Variants in CCT2 observed in about 807,000 individuals in gnomAD.
CCT2 encodes the protein chaperonin containing TCP1 subunit 2.
Under a neutral mutation model 61.8 loss-of-function variants are expected in CCT2, and 18 were observed. That is an observed-to-expected ratio of 0.29 (90% CI 0.20 to 0.43). The LOEUF (loss-of-function observed/expected upper bound fraction) is 0.43. CCT2 is among the 20% of genes least tolerant of loss of function. The pLI is 1.00. For missense variants in CCT2, 556 were observed against 656.9 expected (o/e 0.85, Z 1.68); for synonymous variants, 248 against 215.9 (o/e 1.15, Z -1.30).
In CCT2 at chr12:69,598,042, A is replaced by G. The variant is rs199831151; in HGVS notation, c.1306A>G (p.Met436Val). 1.6e-5 allele frequency: 26 copies of G among 1,613,294 alleles called. No homozygotes were observed. The African/African-American group carries it at 2.9e-4, about 18-fold the overall frequency. ...NRTPGKEAVAMESYAKALRML... is the reference protein window; with the variant it reads ...NRTPGKEAVAVESYAKALRML... ...AACACCAGGCAAAGAAGCTGTTGCA[A>G]TGGAGTCTTATGCTAAAGCACTGAG... is the stretch of plus-strand genomic sequence containing the variant. Residue 436 changes from methionine to valine, a missense_variant, in exon 13 of 16, where the codon ATG (methionine) becomes GTG (valine). This residue lies in a region of CCT2 where 225 missense variants were observed against 249.8 expected (regional missense o/e 0.90). Coordinates refer to ENST00000299300, the MANE Select transcript of CCT2 (RefSeq NM_006431.3).
chr12:69,598,285 T>C (rs1421060110), intron 13 of CCT2, 37 bp from the exon 14 acceptor site: 2 of 1,392,746 alleles, frequency 1.4e-6, no homozygotes. Flanking sequence ...GTTCTTACAG[T>C]AGAGTGAGTA....
intron 8 of CCT2, 24 bp from the exon 9 acceptor site, chr12:69,592,952 C>G: frequency 1.2e-6 from 2 of 1,606,316 alleles, no homozygotes; most frequent in African/African-American, 1.3e-5. Flanking sequence ...AACTGATGCT[C>G]TCTTTATGCT....
intron 1 of CCT2, chr12:69,585,743 G>T: frequency 1.4e-6 from 2 of 1,449,192 alleles, no homozygotes; most frequent in East Asian, 2.5e-5. Context: ...GCGTCTCCTT[G>T]TGCCTAGGTC....
At chr12:69,585,776 G>C in intron 1 of CCT2, 1 of 1,396,490 alleles carries the variant, frequency 7.2e-7, no homozygotes, top group South Asian at 1.6e-5. Flanking sequence ...CGGCAGCCCA[G>C]GTCCGCGCCT....
At chr12:69,586,930 A>G (rs1321950762) in intron 3 of CCT2, 112 bp downstream of exon 3, 1 of 652,638 alleles carries the variant, frequency 1.5e-6, no homozygotes, top group Admixed American at 3.1e-5. Context: ...TTAATTATAA[A>G]AGACAAGTAT....
chr12:69,586,692 A>T, intron 2 of CCT2, 61 bp from the exon 3 acceptor site: 2 of 1,212,854 alleles, frequency 1.6e-6, no homozygotes, highest in Non-Finnish European at 2.4e-6. Context: ...GTAAATAAAG[A>T]TAAAACTGTA....
intron 7 of CCT2, chr12:69,589,892 GTTTAC>G: frequency 1.7e-6 from 1 of 576,544 alleles, no homozygotes; most frequent in Non-Finnish European, 3.1e-6. Flanking sequence ...GATCTCTAGA[GTTTAC>G]TTAACTACCA....
intron 10 of CCT2, among the ~76,000 whole-genome samples, chr12:69,594,187 C>G (rs1881920927): frequency 6.6e-6 from 1 of 151,672 alleles, no homozygotes; most frequent in Admixed American, 6.6e-5. Context: ...CCTGTAAGAC[C>G]GTTGTTAAAA....
Position 69,600,032 on chromosome 12 carries a change from T to C in CCT2, c.1577+28T>C, listed in dbSNP as rs1447644297. The C allele has an allele frequency of 1.9e-6, 3 of 1,578,074 alleles. No individual in the cohort carries two copies. The South Asian group carries it at 3.5e-5, about 19-fold the overall frequency. On this transcript the variant is annotated intron_variant, in intron 15 of 15. Coordinates refer to ENST00000299300, the MANE Select transcript of CCT2 (RefSeq NM_006431.3). Reference sequence around the variant, plus strand: ...ACCCTAACACTTTTCTCAGAAAAAATTACTAACAGCAAAACAAAATAGGGA... The same window carrying C: ...ACCCTAACACTTTTCTCAGAAAAAACTACTAACAGCAAAACAAAATAGGGA...
chr12:69,586,715 A>G, intron 2 of CCT2, 38 bp from the exon 3 acceptor site: 2 of 1,422,372 alleles, frequency 1.4e-6, no homozygotes, highest in Non-Finnish European at 1.9e-6. Flanking sequence ...TGAAGACTGT[A>G]AAGTTGATTC....
In CCT2 at chr12:69,587,983, G is replaced by T; in HGVS notation, c.310G>T (p.Val104Phe). The change falls in exon 5 of 16, where the codon GTT becomes TTT. Residue 104 changes from valine to phenylalanine, a missense_variant. Val to Phe is a conservative substitution (Grantham distance 50). Coordinates refer to ENST00000299300, the MANE Select transcript of CCT2 (RefSeq NM_006431.3). Reference protein sequence around the residue: ...EVGDGTTSVTVLAAELLREAE... With the variant: ...EVGDGTTSVTFLAAELLREAE... ...TGGTGATGGCACTACCTCTGTTACC[G>T]TTTTAGCAGCAGAATTATTAAGGGT... The T allele has an allele frequency of 6.2e-7, 1 of 1,613,492 alleles. No homozygotes were observed. Among genetic ancestry groups the T allele is most frequent in the Non-Finnish European group, 8.5e-7 (1 of 1,179,432 alleles).
At chr12:69,590,893 A>T (rs1031341075) in intron 7 of CCT2, among the ~76,000 whole-genome samples, 1 of 150,116 alleles carries the variant, frequency 6.7e-6, no homozygotes. Context: ...ACTTTTTTGT[A>T]TTTTTAGTAG....
intron 7 of CCT2, among the ~76,000 whole-genome samples, chr12:69,591,719 C>A (rs1881840155): frequency 6.6e-6 from 1 of 152,142 alleles, no homozygotes; most frequent in African/African-American, 2.4e-5. Flanking sequence ...TAGTGGGATG[C>A]TTTATACCAG....
intron 1 of CCT2, 179 bp from the exon 2 acceptor site, chr12:69,586,091 C>CAAGT: frequency 8.1e-7 from 1 of 1,235,918 alleles, no homozygotes; most frequent in Non-Finnish European, 1.1e-6. Flanking sequence ...CGCTCTCCTA[C>CAAGT]AAGTCCCTCT....
At chr12:69,598,175 C>T in intron 13 of CCT2, 104 bp downstream of exon 13, 1 of 1,009,222 alleles carries the variant, frequency 9.9e-7, no homozygotes, top group Admixed American at 2.5e-5. Context: ...AAATTTGATT[C>T]TGGAGTTTCT....
chr12:69,597,142 G>T lies in CCT2; in HGVS notation c.983-14G>T. ...CCTGCTGTGCATTTAACTAATACAT[G>T]TTTATGTTTATAGGTGGTGAAATTG... On this transcript the variant is annotated splice_polypyrimidine_tract_variant and intron_variant, in intron 10 of 15. Coordinates refer to ENST00000299300, the MANE Select transcript of CCT2 (RefSeq NM_006431.3). The T allele has an allele frequency of 6.2e-7, 1 of 1,612,364 alleles. No individual in the cohort carries two copies. Among genetic ancestry groups the T allele is most frequent in the Non-Finnish European group, 8.5e-7 (1 of 1,178,834 alleles).
In CCT2 at chr12:69,597,308, C is replaced by T. The variant is rs766026536; in HGVS notation, c.1102+33C>T. ...ATTATGTAGATCCTGGTTAGGGTGTCTAAATTCTTGCTAGGCTCTGTTGAA... is the reference window on the plus strand; with the variant it reads ...ATTATGTAGATCCTGGTTAGGGTGTTTAAATTCTTGCTAGGCTCTGTTGAA... On this transcript the variant is annotated intron_variant, in intron 11 of 15. Transcript: ENST00000299300. The T allele has an allele frequency of 2.5e-6, 4 of 1,609,814 alleles. No individual in the cohort carries two copies. The South Asian group carries it at 3.3e-5, about 13-fold the overall frequency.
chr12:69,586,097 C>T lies in CCT2; in HGVS notation c.4-173C>T, dbSNP rs373655339. The T allele has an allele frequency of 6.6e-6, 8 of 1,205,958 alleles. No individual in the cohort carries two copies. The African/African-American group carries it at 1.2e-4, about 19-fold the overall frequency. The allele number at this position is 1,205,958 out of a possible 1,614,324, so 74.7% of individuals were successfully genotyped here. The stretch of plus-strand genomic sequence containing the variant: ...AAGCCATGTCGCTCTCCTACAAGTC[C>T]CTCTCTCCCACTTAAATGCTTTCTC... On this transcript the variant is annotated intron_variant, in intron 1 of 15. Coordinates refer to ENST00000299300, the MANE Select transcript of CCT2 (RefSeq NM_006431.3).
At chr12:69,600,715 T>C (rs1363332852) in intron 15 of CCT2, among the ~76,000 whole-genome samples, 1 of 152,324 alleles carries the variant, frequency 6.6e-6, no homozygotes, top group African/African-American at 2.4e-5. Flanking sequence ...CCCTGTATAA[T>C]GCTGTACTCT....
Sources: gnomAD v4.1 joint callset for allele counts (sites outside exome capture counted in the v4.1 genomes callset) on GRCh38, gnomAD v4.1.1 for gene constraint, gnomAD v4.1.1 regional missense constraint, MANE v1.5 for transcripts, NCBI Gene and HGNC (gene_info 2026-07-23, HGNC 2026-07-21) for gene names.